Variants in ALG1L2 observed in about 807,000 individuals in gnomAD.
The protein encoded by ALG1L2 is putative glycosyltransferase ALG1L2.
In ALG1L2, 32 loss-of-function variants were observed where a neutral mutation model predicts 29.0. That is an observed-to-expected ratio of 1.10 (90% CI 0.83 to 1.48). The LOEUF (loss-of-function observed/expected upper bound fraction) is 1.48. ALG1L2 is among the 40% of genes most tolerant of loss of function. ALG1L2 has a pLI of 0.00. For synonymous variants in ALG1L2, 110 were observed against 109.5 expected (o/e 1.00, Z -0.03); for missense variants, 318 against 274.1 (o/e 1.16, Z -1.13).
intron 1 of ALG1L2, among the ~76,000 whole-genome samples, chr3:130,086,988 T>G (rs1434625340): frequency 1.3e-5 from 2 of 151,112 alleles, no homozygotes; most frequent in African/African-American, 4.8e-5. Flanking sequence ...TCCAGAACCT[T>G]CCTTTCTTTC....
intron 4 of ALG1L2, among the ~76,000 whole-genome samples, chr3:130,093,733 G>T (rs1241893351): frequency 6.6e-6 from 1 of 152,088 alleles, no homozygotes; most frequent in Non-Finnish European, 1.5e-5. Context: ...CATGTCATTG[G>T]TGCCTTAACC....
At chr3:130,096,993 AC>A (rs113418003) in intron 6 of ALG1L2, among the ~76,000 whole-genome samples, 181 bp from the exon 7 acceptor site, 14,856 of 151,248 alleles carry the variant, frequency 0.098, 911 homozygotes, top group East Asian at 0.17. Flanking sequence ...TTTGATGTGC[AC>A]CCCCCCCAGG....
At chr3:130,089,702 G>A (rs1375926784) in intron 1 of ALG1L2, among the ~76,000 whole-genome samples, 2 of 152,302 alleles carry the variant, frequency 1.3e-5, no homozygotes, top group Non-Finnish European at 2.9e-5. Context: ...TCTAAAGTCT[G>A]CACGTTGTCC....
Position 130,093,157 on chromosome 3 carries a change from A to G in ALG1L2, c.310A>G (p.Thr104Ala). 6.2e-7 allele frequency: 1 copy of G among 1,611,452 alleles called. No homozygotes were observed. The highest frequency in any genetic ancestry group is 8.5e-7 in the Non-Finnish European group (1 of 1,179,562). ...CCTTCCTTCTCTCGTCTGTGTGATA[A>G]CAGGTACTGCCTGGGACCCTGGGTG... ...QNLPSLVCVI[T>A]GKGPLREYYS... Residue 104 changes from threonine (T) to alanine (A), a missense_variant, in exon 4 of 8, where the codon ACA becomes GCA. Thr to Ala is a moderately conservative substitution (Grantham distance 58). Transcript: ENST00000425059.
rs1935161491 is a variant in ALG1L2 at position 130,097,254 on chromosome 3, G to A, written c.615+4G>A. 6.2e-7 allele frequency: 1 copy of A among 1,607,126 alleles called. No individual in the cohort carries two copies. Among genetic ancestry groups the A allele is most frequent in the South Asian group, 1.1e-5 (1 of 90,982 alleles). Reference sequence around the variant, plus strand: ...GGAACTGGCAGCTCAGCTGCAGGTAGCCATGTCTGCCACCACGCCAGGGTG... The same window carrying A: ...GGAACTGGCAGCTCAGCTGCAGGTAACCATGTCTGCCACCACGCCAGGGTG... On this transcript the variant is annotated splice_donor_region_variant and intron_variant, in intron 7 of 7. Transcript: ENST00000425059.
intron 6 of ALG1L2, among the ~76,000 whole-genome samples, 176 bp from the exon 7 acceptor site, chr3:130,096,999 C>G (rs1163424990): frequency 6.6e-6 from 1 of 152,192 alleles, no homozygotes; most frequent in Non-Finnish European, 1.5e-5. Flanking sequence ...GTGCACCCCC[C>G]CCAGGCTTTT....
At chr3:130,084,560 G>C (rs1934851491) in intron 1 of ALG1L2, among the ~76,000 whole-genome samples, 1 of 131,506 alleles carries the variant, frequency 7.6e-6, no homozygotes. Context: ...TATGGGCGGG[G>C]CGGTAGTGGT....
intron 1 of ALG1L2, among the ~76,000 whole-genome samples, chr3:130,085,568 A>T (rs1252457338): frequency 6.6e-5 from 10 of 150,430 alleles, no homozygotes; most frequent in African/African-American, 1.7e-4. Flanking sequence ...CACGCATTAT[A>T]CTGGATAAAG....
At chr3:130,088,962 T>C (rs1396035380) in intron 1 of ALG1L2, among the ~76,000 whole-genome samples, 1 of 152,280 alleles carries the variant, frequency 6.6e-6, no homozygotes, top group African/African-American at 2.4e-5. Flanking sequence ...CAAAATGGAG[T>C]TGTCACAGGA....
intron 3 of ALG1L2, 49 bp downstream of exon 3, chr3:130,092,271 C>T (rs1252544274): frequency 1.9e-6 from 3 of 1,590,484 alleles, no homozygotes; most frequent in East Asian, 2.3e-5. Context: ...GGGCACCTGG[C>T]CAACCTGTAT....
In ALG1L2 at chr3:130,085,617, T is replaced by C. The variant is rs143642437; in HGVS notation, c.20+3581T>C. ...CCTGATTTTAACTTGACTACCTTTG[T>C]AATGACTATCTCCAAATATGTCACA... On this transcript the variant is annotated intron_variant, in intron 1 of 7. Coordinates refer to ENST00000425059, the MANE Select transcript of ALG1L2 (RefSeq NM_001136152.1). Among the ~76,000 whole-genome samples, 1,155 of 150,962 alleles carry C rather than the reference T, an allele frequency of 7.7e-3. 18 individuals carry two copies. The highest frequency in any genetic ancestry group is 0.012 in the Non-Finnish European group (812 of 67,220).
chr3:130,082,362 G>A (rs2108112306), intron 1 of ALG1L2, among the ~76,000 whole-genome samples: 1 of 88,172 alleles, frequency 1.1e-5, no homozygotes, highest in East Asian at 3.0e-4. Flanking sequence ...TTTGTTTTGA[G>A]AAAGAGTCTC....
At chr3:130,089,584 G>C (rs576633752) in intron 1 of ALG1L2, 16 of 152,352 alleles carry the variant, frequency 1.1e-4, no homozygotes, top group African/African-American at 3.1e-4. Context: ...ATTGGTTAAA[G>C]TTTACTAGGA....
At chr3:130,095,092 G>A (rs939010120) in intron 5 of ALG1L2, among the ~76,000 whole-genome samples, 2 of 152,170 alleles carry the variant, frequency 1.3e-5, no homozygotes, top group South Asian at 2.1e-4. Flanking sequence ...TGGAGTGCAT[G>A]ATCTCAGTTC....
intron 1 of ALG1L2, among the ~76,000 whole-genome samples, chr3:130,084,292 C>CCA (rs1293975740): frequency 6.8e-5 from 9 of 133,022 alleles, no homozygotes; most frequent in Non-Finnish European, 1.4e-4. Context: ...ACCCCATTTC[C>CCA]CCCCCTCAAA....
At chr3:130,094,288 C>T (rs575245466) in intron 4 of ALG1L2, 115 bp from the exon 5 acceptor site, 168 of 1,344,356 alleles carry the variant, frequency 1.2e-4, no homozygotes, top group African/African-American at 7.6e-4. Flanking sequence ...CTGCAGCTGC[C>T]GAGGGGTGGA....
At position 130,097,158 on chromosome 3, in the gene ALG1L2, T is replaced by C; in HGVS notation, c.540-17T>C. 6.2e-7 allele frequency: 1 copy of C among 1,611,690 alleles called. No individual in the cohort carries two copies. Among genetic ancestry groups the C allele is most frequent in the East Asian group, 2.2e-5 (1 of 44,868 alleles). On this transcript the variant is annotated splice_polypyrimidine_tract_variant and intron_variant, in intron 6 of 7. Transcript: ENST00000425059. ...CTTCTCCAGGAAACTCTCGGGCTCC[T>C]TTTGTTCTCTCTGCAGTTTACATGA...
At chr3:130,084,918 G>T (rs759951288) in intron 1 of ALG1L2, among the ~76,000 whole-genome samples, 1 of 10,642 alleles carries the variant, frequency 9.4e-5, no homozygotes, top group African/African-American at 2.9e-4. Context: ...TATGTAGTGT[G>T]TGTGTGTATA....
intron 1 of ALG1L2, 94 bp from the exon 2 acceptor site, chr3:130,091,167 G>T (rs1935003655): frequency 1.7e-6 from 2 of 1,173,144 alleles, no homozygotes; most frequent in South Asian, 1.3e-5. Context: ...CTGAGGATGG[G>T]TGACGTTGGG....
Sources: gnomAD v4.1 joint callset for allele counts (sites outside exome capture counted in the v4.1 genomes callset) on GRCh38, gnomAD v4.1.1 for gene constraint, MANE v1.5 for transcripts, NCBI Gene and HGNC (gene_info 2026-07-23, HGNC 2026-07-21) for gene names.